The following ROBO2 variants were observed in gnomAD, a reference collection of about 807,000 sequenced individuals.
ROBO2 encodes roundabout homolog 2.
Under a neutral mutation model 160.8 loss-of-function variants are expected in ROBO2, and 53 were observed. The ratio of observed to expected loss-of-function variants is 0.33; its 90% CI spans 0.26 to 0.41. The LOEUF (loss-of-function observed/expected upper bound fraction) is 0.41. Among genes scored for constraint, ROBO2 ranks in the 10% least tolerant of loss-of-function variants. The probability of loss-of-function intolerance (pLI) is 1.00; values close to 1 mark genes in which losing one functional copy is unlikely to be tolerated. For synonymous variants in ROBO2, 664 were observed against 611.7 expected (o/e 1.09, Z -1.26); for missense variants, 1,577 against 1,722.4 (o/e 0.92, Z 1.49).
rs759577556 is a variant in ROBO2 at position 77,522,913 on chromosome 3, T to C, written c.934+11T>C. On this transcript the variant is annotated intron_variant, in intron 6 of 25. Transcript: ENST00000461745. The stretch of plus-strand genomic sequence containing the variant: ...CACTCACCGTCCGAGGTAAGAGATT[T>C]AAGATGTCAAAGATAATTGAACCAG... The C allele has an allele frequency of 6.2e-7, 1 of 1,608,728 alleles. No individual in the cohort carries two copies. Among genetic ancestry groups the C allele is most frequent in the South Asian group, 1.1e-5 (1 of 90,994 alleles).
intron 2 of ROBO2, among the ~76,000 whole-genome samples, chr3:76,628,516 A>T (rs980845371): frequency 4.0e-5 from 6 of 148,800 alleles, no homozygotes; most frequent in Non-Finnish European, 8.9e-5. Context: ...AATCACCTTC[A>T]GCTCCCAAAC....
At chr3:77,116,668 C>G (rs2074235976) in intron 2 of ROBO2, among the ~76,000 whole-genome samples, 1 of 152,116 alleles carries the variant, frequency 6.6e-6, no homozygotes, top group South Asian at 2.1e-4. Context: ...AGTCTGTGTT[C>G]CCAAAGTCAG....
At chr3:76,475,818 T>C (rs1310122514) in intron 2 of ROBO2, among the ~76,000 whole-genome samples, 3 of 152,160 alleles carry the variant, frequency 2.0e-5, no homozygotes, top group African/African-American at 7.2e-5. Flanking sequence ...ATTAGTCCCC[T>C]CACGGGGTAA....
At chr3:75,924,680 TC>T (rs1947206937) in intron 1 of ROBO2, among the ~76,000 whole-genome samples, 1 of 111,732 alleles carries the variant, frequency 8.9e-6, no homozygotes, top group African/African-American at 3.5e-5. Context: ...TATTTTCTTT[TC>T]TTTTTTTTTT....
chr3:77,283,783 C>A (rs971727226), intron 2 of ROBO2, among the ~76,000 whole-genome samples: 3 of 152,034 alleles, frequency 2.0e-5, no homozygotes, highest in African/African-American at 7.2e-5. Flanking sequence ...TTTGCAGAAA[C>A]TCCTTTCACT....
At chr3:76,399,722 A>G (rs891700286) in intron 2 of ROBO2, among the ~76,000 whole-genome samples, 3 of 151,770 alleles carry the variant, frequency 2.0e-5, no homozygotes, top group African/African-American at 7.2e-5. Context: ...GATAGAATAC[A>G]GAGGCCGTCA....
At chr3:75,952,126 A>T in intron 2 of ROBO2, among the ~76,000 whole-genome samples, 1 of 151,978 alleles carries the variant, frequency 6.6e-6, no homozygotes, top group Admixed American at 6.6e-5. Flanking sequence ...AATAGGTTTT[A>T]ATCCTACATT....
intron 2 of ROBO2, among the ~76,000 whole-genome samples, chr3:77,237,937 T>C (rs189136171): frequency 1.1e-4 from 16 of 152,336 alleles, no homozygotes; most frequent in Non-Finnish European, 2.4e-4. Flanking sequence ...CCCAGTCTAA[T>C]AGATGTGCAA....
chr3:76,015,777 T>C (rs1041536253), intron 2 of ROBO2, among the ~76,000 whole-genome samples: 3 of 152,180 alleles, frequency 2.0e-5, no homozygotes, highest in Non-Finnish European at 2.9e-5. Flanking sequence ...TTGCATATAA[T>C]CAGAGAATAA....
intron 2 of ROBO2, among the ~76,000 whole-genome samples, chr3:76,802,096 A>G (rs2064244035): frequency 6.6e-6 from 1 of 152,284 alleles, no homozygotes; most frequent in Admixed American, 6.5e-5. Context: ...GCTCACCATA[A>G]TAAACGAATA....
chr3:76,745,012 C>A (rs541127747), intron 2 of ROBO2, among the ~76,000 whole-genome samples: 1 of 152,084 alleles, frequency 6.6e-6, no homozygotes. Context: ...TCTAATTCTA[C>A]GAATGTTCTG....
intron 2 of ROBO2, among the ~76,000 whole-genome samples, chr3:76,358,825 G>C (rs1007239213): frequency 6.6e-6 from 1 of 151,552 alleles, no homozygotes; most frequent in African/African-American, 2.4e-5. Context: ...ACAATGTGAA[G>C]GTTAGTTACA....
At chr3:76,398,839 G>T (rs975275680) in intron 2 of ROBO2, among the ~76,000 whole-genome samples, 1 of 151,634 alleles carries the variant, frequency 6.6e-6, no homozygotes, top group African/African-American at 2.4e-5. Flanking sequence ...AGTATATTCT[G>T]TTAGTTTAAT....
chr3:76,623,966 G>A (rs1578641407), intron 2 of ROBO2, among the ~76,000 whole-genome samples: 1 of 151,726 alleles, frequency 6.6e-6, no homozygotes, highest in Admixed American at 6.6e-5. Flanking sequence ...TATTTTATCA[G>A]TCAACAACTA....
chr3:77,223,059 G>A (rs929328902), intron 2 of ROBO2, among the ~76,000 whole-genome samples: 1 of 152,228 alleles, frequency 6.6e-6, no homozygotes. Context: ...ACAGTATTCC[G>A]AAGCCTTCAC....
At chr3:77,595,325 G>T (rs912741536) in intron 18 of ROBO2, 141 bp downstream of exon 19, 1 of 677,808 alleles carries the variant, frequency 1.5e-6, no homozygotes, top group African/African-American at 1.8e-5. Context: ...TTACCACAAA[G>T]TTTAATGATC....
intron 2 of ROBO2, among the ~76,000 whole-genome samples, chr3:75,969,957 C>G (rs554224601): frequency 6.6e-6 from 1 of 151,642 alleles, no homozygotes; most frequent in African/African-American, 2.4e-5. Flanking sequence ...AAACCATTGT[C>G]AAGGCCAATA....
Position 76,580,092 on chromosome 3 carries a change from C to A in ROBO2, c.110-517922C>A, listed in dbSNP as rs373076689. 2.8e-4 allele frequency among the ~76,000 whole-genome samples: 42 copies of A among 152,162 alleles called. 2 individuals are homozygous for A. The highest frequency in any genetic ancestry group is 2.7e-3 in the South Asian group (13 of 4,818). On this transcript the variant is annotated intron_variant, in intron 2 of 26. Coordinates refer to the ROBO2 transcript ENST00000487694. ...TGAGTATCCACTCATTTCTGCCTGC[C>A]CTCTGCTCCTGATTTAGGATATCAG...
At chr3:77,302,290 C>G (rs533026197) in intron 2 of ROBO2, among the ~76,000 whole-genome samples, 1 of 152,166 alleles carries the variant, frequency 6.6e-6, no homozygotes, top group East Asian at 1.9e-4. Context: ...TCGTACCTAT[C>G]TCATAGGGTG....
Sources: gnomAD v4.1 joint callset for allele counts (sites outside exome capture counted in the v4.1 genomes callset) on GRCh38, gnomAD v4.1.1 for gene constraint, MANE v1.5 for transcripts, NCBI Gene and HGNC (gene_info 2026-07-23, HGNC 2026-07-21) for gene names.